TMEM263: variants seen among roughly 807,000 people sequenced by gnomAD.
The protein encoded by TMEM263 is UPF0444 transmembrane protein C12orf23.
In TMEM263, 5 loss-of-function variants were observed where a neutral mutation model predicts 8.6. The ratio of observed to expected loss-of-function variants is 0.58; its 90% CI spans 0.31 to 1.23. The LOEUF is 1.23. TMEM263 is among the 50% of genes most tolerant of loss of function. The pLI, the probability that TMEM263 is intolerant of heterozygous loss-of-function variation, is 0.07. For synonymous variants in TMEM263, 50 were observed against 47.9 expected, an observed-to-expected ratio of 1.04 and a Z score of -0.18; for missense variants, 104 against 138.8, an observed-to-expected ratio of 0.75 and a Z score of 1.26.
intron 3 of TMEM263, among the ~76,000 whole-genome samples, chr12:106,967,773 G>T (rs1298606081): frequency 6.6e-6 from 1 of 152,198 alleles, no homozygotes; most frequent in Non-Finnish European, 1.5e-5. Flanking sequence ...TGTAAAGGGT[G>T]AGGATGGATA....
rs543284164 is a variant in TMEM263, at chr12:106,955,988, A to G, written c.-152A>G. 7 of 986,484 alleles carry G rather than the reference A, an allele frequency of 7.1e-6. No homozygotes were observed. The East Asian group carries it at 6.8e-4, about 96-fold the overall frequency. 61.1% of individuals were successfully genotyped at this position (986,484 alleles called of 1,614,324 possible). On this transcript the variant is annotated 5_prime_UTR_variant, in exon 1 of 4. Transcript: ENST00000280756. ...GTTGTGCCGGCCGCCGCTGCCGCCC[A>G]GGCCGCCTCAGCTCTCCTCTGCGCC... is the stretch of plus-strand genomic sequence containing the variant.
At position 106,972,187 on chromosome 12, in the gene TMEM263, T is replaced by C. The variant is rs984546820; in HGVS notation, c.*796T>C. On this transcript the variant is annotated 3_prime_UTR_variant, in exon 4 of 4. Coordinates refer to ENST00000280756, the MANE Select transcript of TMEM263 (RefSeq NM_152261.4). ...TTTGGCAGTAGTTAAAATCAAATTG[T>C]ACACTTCTCAGCCTGGGTTCATGCT... 18 of 152,312 alleles carry C rather than the reference T, an allele frequency of 1.2e-4. No homozygotes were observed. Among genetic ancestry groups the C allele is most frequent in the African/African-American group, 4.1e-4 (17 of 41,440 alleles). The allele number at this position is 152,312 out of a possible 1,614,324, so 9.4% of individuals were successfully genotyped here.
intron 2 of TMEM263, chr12:106,959,219 G>A (rs1429202348): frequency 6.6e-6 from 1 of 152,166 alleles, no homozygotes; most frequent in East Asian, 1.9e-4. Flanking sequence ...TATTACTTAA[G>A]GGTAACATTT....
rs1417119196 is a variant in TMEM263, at chr12:106,972,038, A to T, written c.*647A>T. 1 of 152,684 alleles carries T rather than the reference A, an allele frequency of 6.5e-6. No individual in the cohort carries two copies. The highest frequency in any genetic ancestry group is 1.5e-5 in the Non-Finnish European group (1 of 68,038). The allele number at this position is 152,684 out of a possible 1,614,324, so 9.5% of individuals were successfully genotyped here. A position where few individuals can be genotyped will look rare whatever the true frequency, so the allele number is the denominator to read the frequency against. ...AATACCCTGAATATGTGCTGTTCTTAGAATCATCTATGGATTCTTTTAAAG... is the reference window on the plus strand; with the variant it reads ...AATACCCTGAATATGTGCTGTTCTTTGAATCATCTATGGATTCTTTTAAAG... On this transcript the variant is annotated 3_prime_UTR_variant, in exon 4 of 4. Coordinates refer to ENST00000280756, the MANE Select transcript of TMEM263 (RefSeq NM_152261.4).
At chr12:106,956,097 C>T (rs973551893) in intron 1 of TMEM263, 32 bp downstream of exon 1, 3 of 962,992 alleles carry the variant, frequency 3.1e-6, no homozygotes, top group Non-Finnish European at 3.7e-6. Flanking sequence ...GGCAGGGGCG[C>T]AGTCCCGGCT....
Position 106,956,039 on chromosome 12 carries a change from G to T in TMEM263, c.-101G>T. 1.0e-6 allele frequency: 1 copy of T among 985,670 alleles called. No homozygotes were observed. The allele number at this position is 985,670 out of a possible 1,614,324, so 61.1% of individuals were successfully genotyped here. A position where few individuals can be genotyped will look rare whatever the true frequency, so the allele number is the denominator to read the frequency against. ...GGCCCGCTCACTCCGCCCGGCCCCAGCCCTAGCGCTGGCCGCGACCCCGGC... is the reference window on the plus strand; with the variant it reads ...GGCCCGCTCACTCCGCCCGGCCCCATCCCTAGCGCTGGCCGCGACCCCGGC... On this transcript the variant is annotated 5_prime_UTR_variant, in exon 1 of 4. Coordinates refer to ENST00000280756, the MANE Select transcript of TMEM263 (RefSeq NM_152261.4).
Position 106,970,994 on chromosome 12 carries a change from T to G in TMEM263, c.65-111T>G. 6 of 1,136,742 alleles carry G rather than the reference T, an allele frequency of 5.3e-6. No individual in the cohort carries two copies. In the South Asian group the frequency reaches 9.0e-5, roughly 17 times the overall value. The allele number at this position is 1,136,742 out of a possible 1,614,324, so 70.4% of individuals were successfully genotyped here. Reference sequence around the variant, plus strand: ...CTTTGAATCAGTGTGGTTGGCCTTATCAAATCAACCTCCTGTTGTGAGGAA... The same window carrying G: ...CTTTGAATCAGTGTGGTTGGCCTTAGCAAATCAACCTCCTGTTGTGAGGAA... On this transcript the variant is annotated intron_variant, in intron 3 of 3. Transcript: ENST00000280756.
chr12:106,964,770 C>T (rs1951821987), intron 2 of TMEM263, among the ~76,000 whole-genome samples: 1 of 152,160 alleles, frequency 6.6e-6, no homozygotes, highest in Non-Finnish European at 1.5e-5. Context: ...GTAGGATTTA[C>T]GTTTTAAAGT....
At chr12:106,957,385 C>T (rs978329972) in intron 2 of TMEM263, among the ~76,000 whole-genome samples, 1 of 152,036 alleles carries the variant, frequency 6.6e-6, no homozygotes, top group Non-Finnish European at 1.5e-5. Context: ...TTATAGAAAG[C>T]ATCGTTAGAA....
intron 2 of TMEM263, among the ~76,000 whole-genome samples, chr12:106,964,771 G>T (rs868747381): frequency 6.6e-6 from 1 of 152,140 alleles, no homozygotes; most frequent in Non-Finnish European, 1.5e-5. Flanking sequence ...TAGGATTTAC[G>T]TTTTAAAGTC....
rs771005404 is a variant in TMEM263, at chr12:106,971,409, G to T, written c.*18G>T. On this transcript the variant is annotated 3_prime_UTR_variant, in exon 4 of 4. Coordinates refer to ENST00000280756, the MANE Select transcript of TMEM263 (RefSeq NM_152261.4). The stretch of plus-strand genomic sequence containing the variant: ...CTGACTGAAATATAGAGATACACTT[G>T]CGCTCCACAGCACTGTAATGCCAGT... The T allele has an allele frequency of 1.3e-6, 2 of 1,572,458 alleles. No individual in the cohort carries two copies. Among genetic ancestry groups the T allele is most frequent in the Admixed American group, 3.6e-5 (2 of 56,272 alleles).
Position 106,967,458 on chromosome 12 carries a change from A to T in TMEM263, c.64+278A>T, listed in dbSNP as rs1244919102. 3 of 265,078 alleles carry T rather than the reference A, an allele frequency of 1.1e-5. No homozygotes were observed. In the Admixed American group the frequency reaches 1.7e-4, roughly 15 times the overall value. The allele number at this position is 265,078 out of a possible 1,614,324, so 16.4% of individuals were successfully genotyped here. On this transcript the variant is annotated intron_variant, in intron 3 of 3. Transcript: ENST00000280756. ...TATTTTTAGTAGAGACAGGGGTTTC[A>T]TCATGCTGGCCAGGGTGGTCTTGAA...
intron 3 of TMEM263, among the ~76,000 whole-genome samples, chr12:106,969,541 AC>A (rs1454118701): frequency 1.3e-5 from 2 of 152,058 alleles, no homozygotes; most frequent in African/African-American, 4.8e-5. Flanking sequence ...CCTGACTAAC[AC>A]GGTGAAACCC....
At position 106,973,677 on chromosome 12, in the gene TMEM263, G is replaced by GT. The variant is rs1171438398; in HGVS notation, c.*2287dup. On this transcript the variant is annotated 3_prime_UTR_variant, in exon 4 of 4. Coordinates refer to ENST00000280756, the MANE Select transcript of TMEM263 (RefSeq NM_152261.4). The stretch of plus-strand genomic sequence containing the variant: ...TATGTATGTACAGCTGTGTACTTGA[G>GT]TCTTTTTTAGTTTACTTAGAAAGAC... 1 of 152,486 alleles carries GT rather than the reference G, an allele frequency of 6.6e-6. No individual in the cohort carries two copies. The highest frequency in any genetic ancestry group is 2.4e-5 in the African/African-American group (1 of 41,452). 9.4% of individuals were successfully genotyped at this position (152,486 alleles called of 1,614,324 possible). A position where few individuals can be genotyped will look rare whatever the true frequency, so the allele number is the denominator to read the frequency against.
chr12:106,962,023 A>C (rs948969633), intron 2 of TMEM263, among the ~76,000 whole-genome samples: 1 of 152,258 alleles, frequency 6.6e-6, no homozygotes, highest in African/African-American at 2.4e-5. Flanking sequence ...ACTTGAAAAT[A>C]TGTATTTTTC....
At chr12:106,963,973 T>G (rs1266229160) in intron 2 of TMEM263, among the ~76,000 whole-genome samples, 6 of 152,142 alleles carry the variant, frequency 3.9e-5, no homozygotes, top group Non-Finnish European at 8.8e-5. Flanking sequence ...GTATATGTAA[T>G]TTCCCATATT....
chr12:106,970,472 A>G (rs1445055584), intron 3 of TMEM263, among the ~76,000 whole-genome samples: 1 of 152,254 alleles, frequency 6.6e-6, no homozygotes, highest in East Asian at 1.9e-4. Flanking sequence ...GGATTAATGC[A>G]AGACAGCTAC....
intron 3 of TMEM263, among the ~76,000 whole-genome samples, chr12:106,968,999 A>G (rs917636404): frequency 7.9e-5 from 12 of 152,332 alleles, no homozygotes; most frequent in African/African-American, 2.6e-4. Context: ...TGTATTAACT[A>G]TACTTATTAA....
At chr12:106,970,150 A>C (rs1271189961) in intron 3 of TMEM263, among the ~76,000 whole-genome samples, 1 of 152,180 alleles carries the variant, frequency 6.6e-6, no homozygotes, top group Non-Finnish European at 1.5e-5. Context: ...TTAGCTCTTT[A>C]AATACGTCAG....
Sources: gnomAD v4.1 joint callset for allele counts (sites outside exome capture counted in the v4.1 genomes callset) on GRCh38, gnomAD v4.1.1 for gene constraint, MANE v1.5 for transcripts, NCBI Gene and HGNC (gene_info 2026-07-23, HGNC 2026-07-21) for gene names.